The following SIRT2 variants were observed in gnomAD, a reference collection of about 807,000 sequenced individuals.
SIRT2 encodes NAD-dependent protein deacetylase sirtuin-2.
In SIRT2, 40 loss-of-function variants were observed where a neutral mutation model predicts 57.4. The ratio of observed to expected loss-of-function variants is 0.70; its 90% CI spans 0.54 to 0.91. The LOEUF is 0.91. Ranked by LOEUF, SIRT2 falls within the 40% of genes least tolerant of loss-of-function variation. SIRT2 has a pLI of 0.00. For synonymous variants in SIRT2, 161 were observed against 195.7 expected (o/e 0.82, Z 1.48); for missense variants, 439 against 510.4 (o/e 0.86, Z 1.35).
intron 2 of SIRT2, 65 bp downstream of exon 2, chr19:38,898,314 C>A: frequency 7.9e-7 from 1 of 1,266,724 alleles, no homozygotes; most frequent in Non-Finnish European, 1.1e-6. Context: ...TTGCCACCTC[C>A]CCCCAGTGTG....
Position 38,879,618 on chromosome 19 carries a change from C to T in SIRT2, c.947+14G>A, listed in dbSNP as rs202026302. On this transcript the variant is annotated intron_variant, in intron 14 of 15. Transcript: ENST00000249396. Reference sequence around the variant, plus strand: ...GTCCCTTCCAGGCTGCCCCAACCCCCGGCGGGGCCTCACCTGTAGGCCTTC... The same window carrying T: ...GTCCCTTCCAGGCTGCCCCAACCCCTGGCGGGGCCTCACCTGTAGGCCTTC... 2.4e-5 allele frequency: 37 copies of T among 1,563,888 alleles called. No individual in the cohort carries two copies. The highest frequency in any genetic ancestry group is 1.7e-4 in the Middle Eastern group (1 of 6,026).
Position 38,880,598 on chromosome 19 carries a change from G to T in SIRT2, c.876+87C>A. The T allele has an allele frequency of 1.1e-6, 1 of 888,992 alleles. No homozygotes were observed. The highest frequency in any genetic ancestry group is 1.7e-5 in the South Asian group (1 of 60,596). 55.1% of individuals were successfully genotyped at this position (888,992 alleles called of 1,614,324 possible). A position where few individuals can be genotyped will look rare whatever the true frequency, so the allele number is the denominator to read the frequency against. ...TGAGCTGAGGAATGCAAAGTGCTGGGGTTCCACAGTGGGGGTTCCCTCTGA... is the reference window on the plus strand; with the variant it reads ...TGAGCTGAGGAATGCAAAGTGCTGGTGTTCCACAGTGGGGGTTCCCTCTGA... On this transcript the variant is annotated intron_variant, in intron 13 of 15. Coordinates refer to ENST00000249396, the MANE Select transcript of SIRT2 (RefSeq NM_012237.4). The surrounding 1 kb of genome is among the most constrained non-coding windows in gnomAD (Gnocchi z 4.1).
In SIRT2 at chr19:38,880,955, C is replaced by T; in HGVS notation, c.748-58G>A. The T allele has an allele frequency of 6.3e-7, 1 of 1,576,154 alleles. No homozygotes were observed. Among genetic ancestry groups the T allele is most frequent in the Non-Finnish European group, 8.7e-7 (1 of 1,148,334 alleles). On this transcript the variant is annotated intron_variant, in intron 11 of 15. Coordinates refer to ENST00000249396, the MANE Select transcript of SIRT2 (RefSeq NM_012237.4). This position sits in a 1 kb window ranked among gnomAD's most constrained non-coding sequence, Gnocchi z 4.1. ...GCCCAGGCTGCGCCACCGCTCCCTCCCCCGCCCCCAGCAGCAAACCTCCCT... is the reference window on the plus strand; with the variant it reads ...GCCCAGGCTGCGCCACCGCTCCCTCTCCCGCCCCCAGCAGCAAACCTCCCT...
intron 8 of SIRT2, among the ~76,000 whole-genome samples, chr19:38,888,413 T>A (rs1000808894): frequency 6.6e-6 from 1 of 151,316 alleles, no homozygotes; most frequent in African/African-American, 2.4e-5. Context: ...GCTCGAGCTA[T>A]CTCTCGCTTT....
chr19:38,893,980 G>A (rs750637210), intron 2 of SIRT2, 113 bp from the exon 3 acceptor site: 10 of 1,560,038 alleles, frequency 6.4e-6, no homozygotes, highest in South Asian at 2.5e-5. Flanking sequence ...GCCTGAGGAA[G>A]TGCGGGGTGG....
chr19:38,890,250 G>C, intron 4 of SIRT2, 106 bp from the exon 5 acceptor site: 5 of 1,139,972 alleles, frequency 4.4e-6, no homozygotes, highest in Non-Finnish European at 6.5e-6. Context: ...CAGGCCCTGG[G>C]GCAAGCATCT....
chr19:38,887,396 T>C (rs1272078014), intron 8 of SIRT2, among the ~76,000 whole-genome samples: 1 of 152,198 alleles, frequency 6.6e-6, no homozygotes, highest in Non-Finnish European at 1.5e-5. Context: ...GCTGTTATCA[T>C]ATCTGAGCCA....
At chr19:38,881,542 G>T in intron 9 of SIRT2, 51 bp from the exon 10 acceptor site, 2 of 1,487,602 alleles carry the variant, frequency 1.3e-6, no homozygotes, top group East Asian at 4.5e-5. Context: ...GATCTGGGCC[G>T]GAGTCTGGAG....
At chr19:38,883,362 T>C (rs1021335072) in intron 9 of SIRT2, among the ~76,000 whole-genome samples, 1 of 152,034 alleles carries the variant, frequency 6.6e-6, no homozygotes, top group African/African-American at 2.4e-5. Flanking sequence ...GTGCTAGGAT[T>C]ACAGGTGTGA....
chr19:38,881,634 T>C (rs1600107061), intron 9 of SIRT2, 143 bp from the exon 10 acceptor site: 1 of 651,138 alleles, frequency 1.5e-6, no homozygotes, highest in Non-Finnish European at 2.8e-6. Context: ...TCCTGAGGTG[T>C]CCACTCTGCT....
At chr19:38,889,563 G>A (rs1456658181) in intron 7 of SIRT2, 126 bp downstream of exon 7, 1 of 1,079,524 alleles carries the variant, frequency 9.3e-7, no homozygotes, top group Non-Finnish European at 1.4e-6. Context: ...AACCGAGGCA[G>A]TCTGGGCCCA....
rs199860244 is a variant in SIRT2, at chr19:38,879,619, G to A, written c.947+13C>T. 19 of 1,564,212 alleles carry A rather than the reference G, an allele frequency of 1.2e-5. No homozygotes were observed. The highest frequency in any genetic ancestry group is 1.4e-5 in the Non-Finnish European group (16 of 1,154,012). ...TCCCTTCCAGGCTGCCCCAACCCCCGGCGGGGCCTCACCTGTAGGCCTTCT... is the reference window on the plus strand; with the variant it reads ...TCCCTTCCAGGCTGCCCCAACCCCCAGCGGGGCCTCACCTGTAGGCCTTCT... On this transcript the variant is annotated intron_variant, in intron 14 of 15. Transcript: ENST00000249396.
intron 8 of SIRT2, among the ~76,000 whole-genome samples, chr19:38,886,133 A>G (rs1439125106): frequency 6.6e-6 from 1 of 152,190 alleles, no homozygotes; most frequent in African/African-American, 2.4e-5. Flanking sequence ...GACTCCAGAA[A>G]CAACGGGAAG....
intron 1 of SIRT2, 69 bp from the exon 2 acceptor site, chr19:38,898,494 G>T: frequency 2.4e-6 from 2 of 824,282 alleles, no homozygotes; most frequent in Non-Finnish European, 3.6e-6. Context: ...GGGTTCAAAT[G>T]GTCAGTGAGG....
At chr19:38,898,616 G>A (rs1252486670) in intron 1 of SIRT2, 191 bp from the exon 2 acceptor site, 1 of 404,470 alleles carries the variant, frequency 2.5e-6, no homozygotes, top group Non-Finnish European at 4.4e-6. Context: ...AGTGATGCCG[G>A]GAGAGGTGAT....
chr19:38,882,644 A>C (rs1237530997), intron 9 of SIRT2, among the ~76,000 whole-genome samples: 1 of 152,012 alleles, frequency 6.6e-6, no homozygotes, highest in South Asian at 2.1e-4. Flanking sequence ...TCAAAAAAAA[A>C]AAAAAGAAAG....
chr19:38,882,673 A>C (rs941379605), intron 9 of SIRT2, among the ~76,000 whole-genome samples: 1 of 150,336 alleles, frequency 6.7e-6, no homozygotes, highest in African/African-American at 2.4e-5. Context: ...CATTTCTGTC[A>C]CTTGCAACCC....
At chr19:38,892,834 T>C (rs28605705) in intron 4 of SIRT2, among the ~76,000 whole-genome samples, 9,435 of 152,262 alleles carry the variant, frequency 0.062, 922 homozygotes, top group African/African-American at 0.21. Context: ...CACGATGGCC[T>C]CCCAAAGTGC....
Position 38,880,443 on chromosome 19 carries a change from T to C in SIRT2, c.876+242A>G. On this transcript the variant is annotated intron_variant, in intron 13 of 15. Transcript: ENST00000249396. The surrounding 1 kb of genome is among the most constrained non-coding windows in gnomAD (Gnocchi z 4.1). The stretch of plus-strand genomic sequence containing the variant: ...CCTGCACCCCCTCCCACCTCCTCAG[T>C]CCCTGGAAGCCCGGCCTTCCTATCT... The C allele has an allele frequency of 2.2e-6, 1 of 454,068 alleles. No individual in the cohort carries two copies. Among genetic ancestry groups the C allele is most frequent in the Non-Finnish European group, 3.9e-6 (1 of 257,626 alleles). 28.1% of individuals were successfully genotyped at this position (454,068 alleles called of 1,614,324 possible).
Sources: gnomAD v4.1 joint callset for allele counts (sites outside exome capture counted in the v4.1 genomes callset) on GRCh38, gnomAD v4.1.1 for gene constraint, Gnocchi (gnomAD v3.1) non-coding constraint, MANE v1.5 for transcripts, NCBI Gene and HGNC (gene_info 2026-07-23, HGNC 2026-07-21) for gene names.